The following OSTN variants were observed in gnomAD, a reference collection of about 807,000 sequenced individuals.
The protein encoded by OSTN is osteocrin.
Under a neutral mutation model 12.0 loss-of-function variants are expected in OSTN, and 9 were observed. The observed-to-expected ratio is 0.75, with a 90% CI of 0.45 to 1.30. The LOEUF (loss-of-function observed/expected upper bound fraction) is 1.30, where lower values mean the gene tolerates loss of function less well. OSTN is among the 50% of genes most tolerant of loss of function. The pLI is 0.00. For synonymous variants in OSTN, 59 were observed against 56.9 expected, an observed-to-expected ratio of 1.04 and a Z score of -0.16; for missense variants, 148 against 152.3, an observed-to-expected ratio of 0.97 and a Z score of 0.15.
intron 3 of OSTN, among the ~76,000 whole-genome samples, chr3:191,244,190 T>A (rs1451794358): frequency 6.6e-6 from 1 of 152,168 alleles, no homozygotes; most frequent in East Asian, 1.9e-4. Flanking sequence ...CTGCTGTTTT[T>A]TGGAATGTAA....
chr3:191,205,600 G>A (rs2108588092), intron 1 of OSTN, among the ~76,000 whole-genome samples: 1 of 137,742 alleles, frequency 7.3e-6, no homozygotes, highest in Non-Finnish European at 1.6e-5. Context: ...TGATTACTGA[G>A]AAAATATTCA....
chr3:191,251,431 G>A (rs1021946403), intron 4 of OSTN, among the ~76,000 whole-genome samples: 1 of 152,182 alleles, frequency 6.6e-6, no homozygotes, highest in Non-Finnish European at 1.5e-5. Context: ...TGAGGCTAGA[G>A]CAGAGGGAAT....
At chr3:191,211,653 T>C (rs1267652221) in intron 1 of OSTN, among the ~76,000 whole-genome samples, 1 of 152,194 alleles carries the variant, frequency 6.6e-6, no homozygotes, top group Non-Finnish European at 1.5e-5. Context: ...ATTCTAACAT[T>C]GCAAGGTGGA....
intron 3 of OSTN, among the ~76,000 whole-genome samples, chr3:191,222,827 T>C (rs1254102286): frequency 6.6e-6 from 1 of 152,060 alleles, no homozygotes; most frequent in Non-Finnish European, 1.5e-5. Context: ...ACCCCCATGC[T>C]GCTGTTCTCA....
intron 4 of OSTN, among the ~76,000 whole-genome samples, chr3:191,260,146 G>A (rs985170417): frequency 2.6e-5 from 4 of 152,002 alleles, no homozygotes; most frequent in East Asian, 1.9e-4. Flanking sequence ...ACAGTGCCCA[G>A]CCTGTGTATC....
At chr3:191,236,856 C>G (rs1715203943) in intron 3 of OSTN, among the ~76,000 whole-genome samples, 1 of 152,084 alleles carries the variant, frequency 6.6e-6, no homozygotes, top group African/African-American at 2.4e-5. Flanking sequence ...CTCTTTTTAC[C>G]CAGCCCCTAT....
At chr3:191,221,984 T>C (rs375602083) in intron 3 of OSTN, among the ~76,000 whole-genome samples, 1 of 152,212 alleles carries the variant, frequency 6.6e-6, no homozygotes, top group East Asian at 1.9e-4. Context: ...ACTGGGGCCA[T>C]GGTTTCAGAG....
Position 191,257,595 on chromosome 3 carries a change from C to T in OSTN, c.*13-5271C>T, listed in dbSNP as rs142760173. On this transcript the variant is annotated intron_variant, in intron 4 of 4. Coordinates refer to ENST00000682035, the MANE Select transcript of OSTN (RefSeq NM_198184.2). The stretch of plus-strand genomic sequence containing the variant: ...TGGGCATCTGTCTAGACCTCTGAAT[C>T]GAAAGGCTGTAATCAAGATACACAG... 7.7e-4 allele frequency among the ~76,000 whole-genome samples: 117 copies of T among 152,156 alleles called. 1 individual carries two copies. The highest frequency in any genetic ancestry group is 2.7e-3 in the African/African-American group (112 of 41,518).
intron 3 of OSTN, among the ~76,000 whole-genome samples, chr3:191,246,067 CAAAAAA>C (rs149962240): frequency 3.3e-5 from 2 of 60,322 alleles, no homozygotes; most frequent in African/African-American, 1.3e-4. Context: ...AACTCTGTCT[CAAAAAA>C]AAAAAAAAAA....
At chr3:191,262,283 C>A (rs1484263235) in intron 4 of OSTN, among the ~76,000 whole-genome samples, 1 of 152,198 alleles carries the variant, frequency 6.6e-6, no homozygotes, top group East Asian at 1.9e-4. Flanking sequence ...TGAGACTTTT[C>A]TTCCACTAAT....
In OSTN at chr3:191,215,962, C is replaced by T. The variant is rs768196292; in HGVS notation, c.103-2785C>T. On this transcript the variant is annotated intron_variant, in intron 2 of 4. Coordinates refer to ENST00000682035, the MANE Select transcript of OSTN (RefSeq NM_198184.2). The stretch of plus-strand genomic sequence containing the variant: ...CAGTGGGGATTCTGTGTCAGGGCTC[C>T]GACCCCACATTTCTCTTCTGCACTG... Among the ~76,000 whole-genome samples the T allele has an allele frequency of 6.6e-5, 10 of 152,286 alleles. No individual in the cohort carries two copies. The South Asian group carries it at 8.3e-4, about 13-fold the overall frequency.
rs540226641 is a variant in OSTN at position 191,211,274 on chromosome 3, T to G, written c.1-1259T>G. Among the ~76,000 whole-genome samples the G allele has an allele frequency of 5.3e-5, 8 of 152,298 alleles. No homozygotes were observed. In the East Asian group the frequency reaches 1.2e-3, roughly 22 times the overall value. On this transcript the variant is annotated intron_variant, in intron 1 of 4. Transcript: ENST00000682035. ...TACTTTCCGTTTCTCCACAAAACTGTTTTTTTGAAATCCATGCATACAGAC... is the reference window on the plus strand; with the variant it reads ...TACTTTCCGTTTCTCCACAAAACTGGTTTTTTGAAATCCATGCATACAGAC...
At chr3:191,243,391 A>T (rs1715362669) in intron 3 of OSTN, among the ~76,000 whole-genome samples, 1 of 152,192 alleles carries the variant, frequency 6.6e-6, no homozygotes, top group Admixed American at 6.5e-5. Flanking sequence ...TCAAATTTCC[A>T]TCTACAGTAG....
At chr3:191,227,436 T>C (rs1340547159) in intron 3 of OSTN, among the ~76,000 whole-genome samples, 1 of 152,208 alleles carries the variant, frequency 6.6e-6, no homozygotes, top group Non-Finnish European at 1.5e-5. Context: ...ATATCCAGCA[T>C]AGTGCATGTG....
chr3:191,212,973 C>T (rs1425791275), intron 2 of OSTN, among the ~76,000 whole-genome samples: 3 of 145,602 alleles, frequency 2.1e-5, no homozygotes, highest in Non-Finnish European at 4.5e-5. Context: ...CAGGTTCAAG[C>T]GATTCTCCTG....
rs151070588 is a variant in OSTN at position 191,245,311 on chromosome 3, A to C, written c.318-4726A>C. Reference sequence around the variant, plus strand: ...ACATAACACATGGTTAAGTCTGTGTAATACATGGTAATGCATGAAACAATC... The same window carrying C: ...ACATAACACATGGTTAAGTCTGTGTCATACATGGTAATGCATGAAACAATC... On this transcript the variant is annotated intron_variant, in intron 3 of 4. Coordinates refer to ENST00000682035, the MANE Select transcript of OSTN (RefSeq NM_198184.2). Among the ~76,000 whole-genome samples, 712 of 152,344 alleles carry C rather than the reference A, an allele frequency of 4.7e-3. 5 individuals carry two copies. The highest frequency in any genetic ancestry group is 0.016 in the African/African-American group (650 of 41,574).
At chr3:191,202,694 C>A (rs1336061528) in intron 1 of OSTN, among the ~76,000 whole-genome samples, 1 of 152,018 alleles carries the variant, frequency 6.6e-6, no homozygotes, top group East Asian at 1.9e-4. Context: ...TTAATTTATC[C>A]AATTTTACCC....
At chr3:191,259,358 G>A (rs541525576) in intron 4 of OSTN, among the ~76,000 whole-genome samples, 1 of 151,898 alleles carries the variant, frequency 6.6e-6, no homozygotes, top group South Asian at 2.1e-4. Flanking sequence ...ACTTTTTGTA[G>A]CCCCCAGCTA....
chr3:191,229,586 A>C (rs369535879), intron 3 of OSTN, among the ~76,000 whole-genome samples: 5 of 152,156 alleles, frequency 3.3e-5, no homozygotes, highest in African/African-American at 1.2e-4. Context: ...AAATTCCTTA[A>C]AAAACTAAGC....
Sources: allele counts gnomAD v4.1 joint callset (sites outside exome capture counted in the v4.1 genomes callset), GRCh38; gene constraint gnomAD v4.1.1; transcripts MANE v1.5; gene names NCBI Gene and HGNC (gene_info 2026-07-23, HGNC 2026-07-21).